The following FGF14 variants were observed in gnomAD, a reference collection of about 807,000 sequenced individuals.
The protein encoded by FGF14 is fibroblast growth factor homologous factor 4.
In FGF14, 5 loss-of-function variants were observed where a neutral mutation model predicts 25.5. The observed-to-expected ratio is 0.20, with a 90% CI of 0.10 to 0.41. The LOEUF is 0.41. Ranked by LOEUF, FGF14 falls within the 10% of genes least tolerant of loss-of-function variation. The pLI, the probability that FGF14 is intolerant of heterozygous loss-of-function variation, is 1.00. For missense variants in FGF14, 222 were observed against 320.1 expected (o/e 0.69, Z 2.34); for synonymous variants, 138 against 118.3 (o/e 1.17, Z -1.08).
chr13:102,235,815 G>A (rs1305963104), intron 1 of FGF14, among the ~76,000 whole-genome samples: 1 of 152,078 alleles, frequency 6.6e-6, no homozygotes, highest in African/African-American at 2.4e-5. Context: ...GAGACCTGCT[G>A]GGCTGCATTC....
At chr13:102,017,753 T>G (rs1205208049) in intron 1 of FGF14, among the ~76,000 whole-genome samples, 1 of 152,154 alleles carries the variant, frequency 6.6e-6, no homozygotes, top group Non-Finnish European at 1.5e-5. Context: ...ATCAAATGAA[T>G]GTTGGAGCTT....
At chr13:102,287,883 C>T (rs2054184616) in intron 1 of FGF14, among the ~76,000 whole-genome samples, 1 of 152,188 alleles carries the variant, frequency 6.6e-6, no homozygotes, top group South Asian at 2.1e-4. Context: ...TTATTCCAAA[C>T]ATCAGATGCA....
chr13:102,123,671 A>C lies in FGF14; in HGVS notation c.209-248375T>G, dbSNP rs139690217. Among the ~76,000 whole-genome samples, 710 of 152,204 alleles carry C rather than the reference A, an allele frequency of 4.7e-3. 13 individuals are homozygous for C. Among genetic ancestry groups the C allele is most frequent in the African/African-American group, 0.016 (669 of 41,542 alleles). ...ACTTTCATATTGCTCTACATCTTCA[A>C]AGTTTTTCTATTAGAGATAGCGGAT... On this transcript the variant is annotated intron_variant, in intron 1 of 4. Transcript: ENST00000376131.
At chr13:102,165,414 C>T (rs1028199524) in intron 1 of FGF14, among the ~76,000 whole-genome samples, 2 of 151,842 alleles carry the variant, frequency 1.3e-5, no homozygotes, top group African/African-American at 2.4e-5. Flanking sequence ...TGGAACCAAC[C>T]CAAATGTCCA....
At chr13:101,731,314 G>A (rs2035797045) in intron 3 of FGF14, among the ~76,000 whole-genome samples, 1 of 152,092 alleles carries the variant, frequency 6.6e-6, no homozygotes, top group Non-Finnish European at 1.5e-5. Flanking sequence ...AGATCGATAA[G>A]GAGTTTGATG....
At chr13:101,903,391 G>A (rs868185468) in intron 1 of FGF14, among the ~76,000 whole-genome samples, 6 of 152,092 alleles carry the variant, frequency 3.9e-5, no homozygotes, top group African/African-American at 1.4e-4. Flanking sequence ...TACACAAGCT[G>A]TAATTTTTAA....
At chr13:101,771,142 T>G (rs143307116) in intron 3 of FGF14, among the ~76,000 whole-genome samples, 1 of 152,062 alleles carries the variant, frequency 6.6e-6, no homozygotes, top group Admixed American at 6.6e-5. Context: ...GGATGTTTGG[T>G]GCAAATCAGC....
intron 3 of FGF14, among the ~76,000 whole-genome samples, chr13:101,848,239 T>C (rs1018340890): frequency 4.6e-5 from 7 of 152,162 alleles, no homozygotes; most frequent in African/African-American, 1.4e-4. Context: ...ATATGCATTT[T>C]ACCTTTCATA....
intron 1 of FGF14, among the ~76,000 whole-genome samples, chr13:102,264,614 G>A (rs1019994848): frequency 3.3e-5 from 5 of 149,480 alleles, no homozygotes; most frequent in East Asian, 1.9e-4. Flanking sequence ...AATTATTTAC[G>A]AGTCTTTACA....
rs1566765361 is a variant in FGF14, at chr13:102,161,658, GAAGAAGAAGAAGAAGAAGAA to G, written c.208+239793_208+239812del. Among the ~76,000 whole-genome samples, 10 of 20,548 alleles carry G rather than the reference GAAGAAGAAGAAGAAGAAGAA, an allele frequency of 4.9e-4. 1 individual carries two copies. The highest frequency in any genetic ancestry group is 1.5e-3 in the African/African-American group (8 of 5,294). The allele number at this position is 20,548 out of a possible 152,430, so 13.5% of individuals were successfully genotyped here. On this transcript the variant is annotated intron_variant, in intron 1 of 4. Transcript: ENST00000376131. ...AGAAGAAGAAGAAGAAGAAGAAGAA[GAAGAAGAAGAAGAAGAAGAA>G]GAAGAAGAAGAAGAAGAAGAAGAAG...
rs575450725 is a variant in FGF14, at chr13:101,866,482, T to G, written c.408+2243A>C. ...GTGTCCTTATTTTAATAATATTTGC[T>G]TATAAAAGGTTATTGGGATAATTAA... On this transcript the variant is annotated intron_variant, in intron 3 of 4. Coordinates refer to ENST00000376143, the MANE Select transcript of FGF14 (RefSeq NM_004115.4). Among the ~76,000 whole-genome samples the G allele has an allele frequency of 1.2e-4, 19 of 152,246 alleles. No individual in the cohort carries two copies. In the South Asian group the frequency reaches 1.5e-3, roughly 12 times the overall value.
chr13:102,357,523 TA>T (rs1341010736), intron 1 of FGF14, among the ~76,000 whole-genome samples: 1 of 152,218 alleles, frequency 6.6e-6, no homozygotes, highest in Non-Finnish European at 1.5e-5. Flanking sequence ...GTTAAAACAG[TA>T]TGTTCTGCAG....
rs548908227 is a variant in FGF14, at chr13:102,101,944, C to A, written c.209-226648G>T. On this transcript the variant is annotated intron_variant, in intron 1 of 4. Coordinates refer to the FGF14 transcript ENST00000376131. The stretch of plus-strand genomic sequence containing the variant: ...TCTTGAACTCCTGACCTCAGGTGAT[C>A]CACCTGTCTCGGCCTCCCAAAGTGC... Among the ~76,000 whole-genome samples the A allele has an allele frequency of 3.6e-4, 55 of 152,254 alleles. No individual in the cohort carries two copies. In the South Asian group the frequency reaches 0.011, roughly 30 times the overall value.
intron 3 of FGF14, among the ~76,000 whole-genome samples, chr13:101,818,057 T>C (rs1386891992): frequency 2.0e-5 from 3 of 152,224 alleles, no homozygotes; most frequent in Non-Finnish European, 4.4e-5. Flanking sequence ...TATGCAAGAC[T>C]CTTGGAAGGT....
chr13:102,114,071 T>A (rs2045353269), intron 1 of FGF14, among the ~76,000 whole-genome samples: 1 of 152,096 alleles, frequency 6.6e-6, no homozygotes, highest in African/African-American at 2.4e-5. Flanking sequence ...GGTCATTAGA[T>A]CAAACTACAA....
chr13:102,085,771 TG>T (rs1221804069), intron 1 of FGF14, among the ~76,000 whole-genome samples: 1 of 152,216 alleles, frequency 6.6e-6, no homozygotes, highest in Non-Finnish European at 1.5e-5. Flanking sequence ...CTTTGGCTGT[TG>T]GAAAGTCAGA....
intron 1 of FGF14, among the ~76,000 whole-genome samples, chr13:101,928,600 AAG>A (rs1274819320): frequency 6.6e-6 from 1 of 152,098 alleles, no homozygotes; most frequent in Non-Finnish European, 1.5e-5. Context: ...TTAGAACAAG[AAG>A]TAGCCTTAGA....
chr13:101,918,521 G>A (rs1447306938), upstream of FGF14, among the ~76,000 whole-genome samples: 4 of 152,136 alleles, frequency 2.6e-5, no homozygotes, highest in Non-Finnish European at 2.9e-5. Context: ...ACACTACGCA[G>A]GCAGCCCTGG....
At chr13:102,284,423 A>G (rs1025430571) in intron 1 of FGF14, among the ~76,000 whole-genome samples, 1 of 152,238 alleles carries the variant, frequency 6.6e-6, no homozygotes, top group Non-Finnish European at 1.5e-5. Context: ...AAAATTCATT[A>G]GTAAAGTTTA....
Sources: gnomAD v4.1 joint callset for allele counts (sites outside exome capture counted in the v4.1 genomes callset) on GRCh38, gnomAD v4.1.1 for gene constraint, MANE v1.5 for transcripts, NCBI Gene and HGNC (gene_info 2026-07-23, HGNC 2026-07-21) for gene names.